The following NFYC variants were observed in gnomAD, a reference collection of about 807,000 sequenced individuals.
The protein encoded by NFYC is CAAT box DNA-binding protein subunit C.
NFYC carries 25 observed loss-of-function variants against 53.1 expected under a neutral mutation model. That is an observed-to-expected ratio of 0.47 (90% CI 0.34 to 0.66). The LOEUF (loss-of-function observed/expected upper bound fraction) is 0.66, where lower values mean the gene tolerates loss of function less well. NFYC is among the 30% of genes least tolerant of loss of function. The pLI is 0.01. For synonymous variants in NFYC, 145 were observed against 152.6 expected (o/e 0.95, Z 0.37); for missense variants, 260 against 422.7 (o/e 0.62, Z 3.38).
Position 40,770,958 on chromosome 1 carries a change from C to T in NFYC, c.*130C>T, listed in dbSNP as rs557919284. On this transcript the variant is annotated 3_prime_UTR_variant, in exon 10 of 10. Transcript: ENST00000447388. This position sits in a 1 kb window ranked among gnomAD's most constrained non-coding sequence, Gnocchi z 5.3. ...CCTCCTGCAGGCTAGGACACTGGTG[C>T]ACTACACCCCATGCCTGGGGGCCGA... 7 of 863,530 alleles carry T rather than the reference C, an allele frequency of 8.1e-6. No homozygotes were observed. In the East Asian group the frequency reaches 1.7e-4, roughly 21 times the overall value. The allele number at this position is 863,530 out of a possible 1,614,324, so 53.5% of individuals were successfully genotyped here.
intron 4 of NFYC, 30 bp downstream of exon 4, chr1:40,749,716 T>A (rs1553159015): frequency 1.3e-6 from 2 of 1,567,992 alleles, no homozygotes; most frequent in South Asian, 2.2e-5. Flanking sequence ...TTAGGAAAAC[T>A]GGGGTAAGCA....
chr1:40,755,342 C>T (rs1051043864), intron 5 of NFYC, among the ~76,000 whole-genome samples: 1 of 152,186 alleles, frequency 6.6e-6, no homozygotes, highest in Admixed American at 6.5e-5. Context: ...TGGATTGATC[C>T]AGTCATTAAA....
At chr1:40,757,909 A>G (rs1346698617) in intron 5 of NFYC, 1 of 596,406 alleles carries the variant, frequency 1.7e-6, no homozygotes, top group Non-Finnish European at 3.0e-6. Flanking sequence ...AATTGGCTGT[A>G]TGTTTTGTGA....
Position 40,770,838 on chromosome 1 carries a change from C to T in NFYC, c.*10C>T, listed in dbSNP as rs567136047. The T allele has an allele frequency of 3.7e-6, 6 of 1,606,052 alleles. No individual in the cohort carries two copies. The Admixed American group carries it at 5.0e-5, about 13-fold the overall frequency. On this transcript the variant is annotated 3_prime_UTR_variant, in exon 10 of 10. Coordinates refer to ENST00000447388, the MANE Select transcript of NFYC (RefSeq NM_014223.5). The surrounding 1 kb of genome is among the most constrained non-coding windows in gnomAD (Gnocchi z 5.3). ...GGTGACCGGCGACTGAGGGCCTGAG[C>T]TGGCAAGGCCAAGGACACCCAACAC...
Position 40,724,783 on chromosome 1 carries a change from C to G in NFYC, c.-8-14053C>G, listed in dbSNP as rs1006720234. On this transcript the variant is annotated intron_variant, in intron 1 of 9. Coordinates refer to ENST00000447388, the MANE Select transcript of NFYC (RefSeq NM_014223.5). The stretch of plus-strand genomic sequence containing the variant: ...CCCCTGTTTCAAAGATTATATTGTA[C>G]TAGATACCAAATAGAAAAGTATTTT... Among the ~76,000 whole-genome samples the G allele has an allele frequency of 4.0e-5, 6 of 151,684 alleles. No individual in the cohort carries two copies. In the South Asian group the frequency reaches 8.3e-4, roughly 21 times the overall value.
At position 40,763,812 on chromosome 1, in the gene NFYC, C is replaced by G. The variant is rs7548986; in HGVS notation, c.720+766C>G. On this transcript the variant is annotated intron_variant, in intron 7 of 9. Coordinates refer to ENST00000447388, the MANE Select transcript of NFYC (RefSeq NM_014223.5). ...CGGCTTCTCTCGATTTCCCCTCATT[C>G]TACCTATGCAGGGAAATCATTGTAA... 5.0e-3 allele frequency among the ~76,000 whole-genome samples: 762 copies of G among 152,322 alleles called. 5 individuals are homozygous for G. Among genetic ancestry groups the G allele is most frequent in the African/African-American group, 0.018 (736 of 41,574 alleles).
intron 7 of NFYC, among the ~76,000 whole-genome samples, chr1:40,764,813 G>A (rs180979996): frequency 8.4e-4 from 128 of 152,334 alleles, no homozygotes; most frequent in Non-Finnish European, 1.6e-3. Flanking sequence ...CTGTCCTGCT[G>A]TAGAGGAATG....
chr1:40,740,346 C>T (rs955808230), intron 2 of NFYC, among the ~76,000 whole-genome samples: 1 of 152,194 alleles, frequency 6.6e-6, no homozygotes, highest in African/African-American at 2.4e-5. Flanking sequence ...ATGAACCAGA[C>T]AGACAGGATC....
intron 1 of NFYC, chr1:40,734,786 A>T (rs932003620): frequency 2.6e-5 from 4 of 152,374 alleles, no homozygotes; most frequent in African/African-American, 7.2e-5. Flanking sequence ...TTAACAATTT[A>T]TGTTCTTCTA....
Position 40,770,201 on chromosome 1 carries a change from C to T in NFYC, c.889-508C>T. 1.6e-6 allele frequency: 1 copy of T among 617,514 alleles called. No individual in the cohort carries two copies. Among genetic ancestry groups the T allele is most frequent in the Non-Finnish European group, 2.8e-6 (1 of 356,836 alleles). The allele number at this position is 617,514 out of a possible 1,614,324, so 38.3% of individuals were successfully genotyped here. A position where few individuals can be genotyped will look rare whatever the true frequency, so the allele number is the denominator to read the frequency against. ...TTGGCTATAGTTAAGTGTTTAATACCAGGCCACCTCCTTAGCAGGGTCCAT... is the reference window on the plus strand; with the variant it reads ...TTGGCTATAGTTAAGTGTTTAATACTAGGCCACCTCCTTAGCAGGGTCCAT... On this transcript the variant is annotated intron_variant, in intron 9 of 9. Transcript: ENST00000447388. This position sits in a 1 kb window ranked among gnomAD's most constrained non-coding sequence, Gnocchi z 5.3.
In NFYC at chr1:40,761,920, C is replaced by A. The variant is rs568484769; in HGVS notation, c.562-968C>A. Among the ~76,000 whole-genome samples the A allele has an allele frequency of 3.3e-5, 5 of 152,134 alleles. No individual in the cohort carries two copies. In the South Asian group the frequency reaches 1.0e-3, roughly 32 times the overall value. On this transcript the variant is annotated intron_variant, in intron 6 of 9. Transcript: ENST00000447388. ...GTTTAAAAGGCTCCACCCACGCCCA[C>A]ACCCCCGCCACCCCCCATCACTACC...
chr1:40,752,625 G>T (rs1645979337), intron 4 of NFYC, among the ~76,000 whole-genome samples: 1 of 151,900 alleles, frequency 6.6e-6, no homozygotes, highest in African/African-American at 2.4e-5. Flanking sequence ...ATAAACCCAT[G>T]GTTTAAGTAT....
intron 1 of NFYC, among the ~76,000 whole-genome samples, chr1:40,726,127 T>TGTG (rs33997341): frequency 2.2e-3 from 311 of 141,082 alleles, no homozygotes; most frequent in Middle Eastern, 3.6e-3. Flanking sequence ...GTGTGTGTGT[T>TGTG]TTTTTTTGAG....
chr1:40,711,257 A>G (rs936709266), intron 1 of NFYC, among the ~76,000 whole-genome samples: 1 of 152,190 alleles, frequency 6.6e-6, no homozygotes, highest in South Asian at 2.1e-4. Context: ...TAATAAGAAA[A>G]TGTTCATTCT....
rs901157975 is a variant in NFYC, at chr1:40,770,169, G to A, written c.889-540G>A. Reference sequence around the variant, plus strand: ...TGTGTGAGTATCTTCTCCACCCCTGGAGCGTCTTGGCTATAGTTAAGTGTT... The same window carrying A: ...TGTGTGAGTATCTTCTCCACCCCTGAAGCGTCTTGGCTATAGTTAAGTGTT... On this transcript the variant is annotated intron_variant, in intron 9 of 9. Coordinates refer to ENST00000447388, the MANE Select transcript of NFYC (RefSeq NM_014223.5). The surrounding 1 kb of genome is among the most constrained non-coding windows in gnomAD (Gnocchi z 5.3). 3.3e-5 allele frequency among the ~76,000 whole-genome samples: 5 copies of A among 152,298 alleles called. No homozygotes were observed. The highest frequency in any genetic ancestry group is 3.9e-4 in the East Asian group (2 of 5,182).
intron 7 of NFYC, 126 bp from the exon 8 acceptor site, chr1:40,766,470 T>C (rs1256220352): frequency 2.6e-5 from 18 of 682,392 alleles, no homozygotes; most frequent in Admixed American, 1.2e-4. Context: ...GGGACTTTTT[T>C]CAGGGCAGGC....
At chr1:40,739,017 A>C in intron 2 of NFYC, 69 bp downstream of exon 2, 1 of 1,074,670 alleles carries the variant, frequency 9.3e-7, no homozygotes, top group Non-Finnish European at 1.4e-6. Context: ...AAATTAACCA[A>C]AACTCAGACT....
At chr1:40,740,942 TGTA>T (rs1470938353) in intron 2 of NFYC, among the ~76,000 whole-genome samples, 1 of 151,816 alleles carries the variant, frequency 6.6e-6, no homozygotes, top group African/African-American at 2.4e-5. Flanking sequence ...TTTTTTTAGT[TGTA>T]GTAAAAAAAC....
chr1:40,723,803 G>T (rs1040049257), intron 1 of NFYC: 2 of 151,966 alleles, frequency 1.3e-5, no homozygotes, highest in African/African-American at 4.8e-5. Flanking sequence ...GTGAGTAGCT[G>T]GGACTACAGG....
Sources: allele counts gnomAD v4.1 joint callset (sites outside exome capture counted in the v4.1 genomes callset), GRCh38; gene constraint gnomAD v4.1.1; non-coding constraint Gnocchi (gnomAD v3.1); transcripts MANE v1.5; gene names NCBI Gene and HGNC (gene_info 2026-07-23, HGNC 2026-07-21).